VPS37B: variants seen among roughly 807,000 people sequenced by gnomAD.
VPS37B encodes vacuolar protein sorting-associated protein 37B.
In VPS37B, 11 loss-of-function variants were observed where a neutral mutation model predicts 21.2. The observed-to-expected ratio is 0.52, with a 90% CI of 0.33 to 0.86. The LOEUF (loss-of-function observed/expected upper bound fraction) is 0.86. VPS37B is among the 40% of genes least tolerant of loss of function. VPS37B has a pLI of 0.03. For synonymous variants in VPS37B, 175 were observed against 159.6 expected (o/e 1.10, Z -0.73); for missense variants, 389 against 374.8 (o/e 1.04, Z -0.31).
intron 1 of VPS37B, among the ~76,000 whole-genome samples, chr12:122,891,934 A>G (rs2034417793): frequency 6.6e-6 from 1 of 152,228 alleles, no homozygotes; most frequent in South Asian, 2.1e-4. Flanking sequence ...CCATGGGAAC[A>G]AAGATCCCCA....
chr12:122,885,663 A>G (rs1218747437), intron 1 of VPS37B: 14 of 146,342 alleles, frequency 9.6e-5, no homozygotes, highest in African/African-American at 3.5e-4. Flanking sequence ...ATAAACATGT[A>G]AAACATTATT....
chr12:122,867,153 CG>C lies in VPS37B; in HGVS notation c.820del (p.Arg274GlyfsTer63). On this transcript the variant is annotated frameshift_variant, in exon 4 of 4. Coordinates refer to ENST00000267202, the MANE Select transcript of VPS37B (RefSeq NM_024667.3). LOFTEE classifies it high-confidence loss of function. The surrounding 1 kb of genome is among the most constrained non-coding windows in gnomAD (Gnocchi z 5.5). ...GAAACCCGGCTGGTGTGGAGGGAGC[CG>C]GGGCGGGGGTCTCTGAGGGAGAGGT... ...PPPLPQRPPPRLPPHQPGFIL... is the reference protein window; with the variant it reads ...PPPLPQRPPPXLPPHQPGFIL... 1 of 1,545,248 alleles carries C rather than the reference CG, an allele frequency of 6.5e-7. No homozygotes were observed. The highest frequency in any genetic ancestry group is 8.7e-7 in the Non-Finnish European group (1 of 1,153,112).
chr12:122,894,141 T>G (rs1411376024), intron 1 of VPS37B, among the ~76,000 whole-genome samples: 2 of 152,184 alleles, frequency 1.3e-5, no homozygotes, highest in African/African-American at 4.8e-5. Context: ...AAAACCCTGC[T>G]GACAATCAAC....
intron 1 of VPS37B, chr12:122,883,990 T>C (rs2034287009): frequency 6.6e-6 from 1 of 152,248 alleles, no homozygotes; most frequent in African/African-American, 2.4e-5. Context: ...GAAGACAAGA[T>C]GGGACACCCA....
chr12:122,882,330 C>T (rs1055450422), intron 1 of VPS37B: 2 of 152,120 alleles, frequency 1.3e-5, no homozygotes, highest in Non-Finnish European at 2.9e-5. Flanking sequence ...TTCTGGGACA[C>T]CACTGCTGCC....
At chr12:122,871,433 G>A (rs1222707564) in intron 1 of VPS37B, 1 of 997,110 alleles carries the variant, frequency 1.0e-6, no homozygotes, top group Non-Finnish European at 1.2e-6. Flanking sequence ...TTCAAAACAA[G>A]TTTCTGCTGC....
intron 1 of VPS37B, chr12:122,884,316 C>T (rs1043765398): frequency 2.0e-5 from 3 of 152,142 alleles, no homozygotes; most frequent in African/African-American, 4.8e-5. Context: ...GGGCAGAGTC[C>T]GAGTCCTTTG....
intron 1 of VPS37B, chr12:122,872,003 T>C: frequency 1.0e-6 from 1 of 985,420 alleles, no homozygotes; most frequent in Non-Finnish European, 1.2e-6. Flanking sequence ...GTGTCCCTGT[T>C]TCTCTTTAAG....
intron 2 of VPS37B, chr12:122,870,647 G>A: frequency 2.7e-6 from 1 of 373,008 alleles, no homozygotes; most frequent in Non-Finnish European, 4.9e-6. Context: ...GAGACAGGAG[G>A]ATCACCTGAG....
At chr12:122,892,843 C>T (rs1484938411) in intron 1 of VPS37B, among the ~76,000 whole-genome samples, 1 of 152,162 alleles carries the variant, frequency 6.6e-6, no homozygotes, top group African/African-American at 2.4e-5. Flanking sequence ...GGCAGATCAC[C>T]TGAGGTTAGG....
chr12:122,868,925 GACACAGA>G lies in VPS37B; in HGVS notation c.284-370_284-364del, dbSNP rs1332568023. On this transcript the variant is annotated intron_variant, in intron 2 of 3. Transcript: ENST00000267202. This position sits in a 1 kb window ranked among gnomAD's most constrained non-coding sequence, Gnocchi z 5.5. The stretch of plus-strand genomic sequence containing the variant: ...CGCCAACCACCACCCCCCAGATCCA[GACACAGA>G]ACCTTTCCACCGGGCGCCCTCACGC... 6.6e-6 allele frequency among the ~76,000 whole-genome samples: 1 copy of G among 152,066 alleles called. No homozygotes were observed. Among genetic ancestry groups the G allele is most frequent in the Non-Finnish European group, 1.5e-5 (1 of 68,012 alleles).
intron 1 of VPS37B, chr12:122,878,725 C>T (rs2034199592): frequency 1.3e-5 from 2 of 149,640 alleles, no homozygotes; most frequent in Admixed American, 1.3e-4. Flanking sequence ...CAACCTCCGC[C>T]TCCCAGGTTC....
At chr12:122,888,207 G>A in intron 1 of VPS37B, 1 of 176,104 alleles carries the variant, frequency 5.7e-6, no homozygotes, top group Non-Finnish European at 1.2e-5. Flanking sequence ...AATGGACTAC[G>A]TTCCTCACAA....
rs1313427330 is a variant in VPS37B, at chr12:122,871,002, T to G, written c.171A>C (p.Glu57Asp). 3 of 1,614,224 alleles carry G rather than the reference T, an allele frequency of 1.9e-6. No homozygotes were observed. Among genetic ancestry groups the G allele is most frequent in the African/African-American group, 1.3e-5 (1 of 75,062 alleles). The change falls in exon 2 of 4, where the codon GAA (glutamate) becomes GAC (aspartate). Residue 57 changes from glutamate (E) to aspartate (D), a missense_variant. By Grantham distance (45) the Glu-to-Asp change is conservative. Transcript: ENST00000267202. ...MTLASNRSLA[E>D]GNLLYQPQLD... ...GCTGGGGCTGGTACAAAAGGTTTCC[T>G]TCTGCCAGGCTCCGGTTGCTGGCAA...
Position 122,867,031 on chromosome 12 carries a change from C to T in VPS37B, c.*85G>A, listed in dbSNP as rs942181165. ...GCCCAGGGCCCCAGAGCCCTTGGCACAGAGCGGACCTCCAGCCTCCTTCCC... is the reference window on the plus strand; with the variant it reads ...GCCCAGGGCCCCAGAGCCCTTGGCATAGAGCGGACCTCCAGCCTCCTTCCC... On this transcript the variant is annotated 3_prime_UTR_variant, in exon 4 of 4. Coordinates refer to ENST00000267202, the MANE Select transcript of VPS37B (RefSeq NM_024667.3). The surrounding 1 kb of genome is among the most constrained non-coding windows in gnomAD (Gnocchi z 5.5). 42 of 1,426,270 alleles carry T rather than the reference C, an allele frequency of 2.9e-5. No individual in the cohort carries two copies. Among genetic ancestry groups the T allele is most frequent in the Admixed American group, 2.8e-4 (9 of 32,230 alleles). The allele number at this position is 1,426,270 out of a possible 1,614,324, so 88.4% of individuals were successfully genotyped here. A position where few individuals can be genotyped will look rare whatever the true frequency, so the allele number is the denominator to read the frequency against.
chr12:122,888,499 A>G, intron 1 of VPS37B: 2 of 455,426 alleles, frequency 4.4e-6, no homozygotes, highest in Non-Finnish European at 8.8e-6. Context: ...ACGGTCTTCT[A>G]GATCACCTCC....
At chr12:122,885,682 T>A (rs1257930204) in intron 1 of VPS37B, 2 of 92,374 alleles carry the variant, frequency 2.2e-5, no homozygotes, top group Non-Finnish European at 3.9e-5. Flanking sequence ...TTATTATTAT[T>A]TTTTTTTTTT....
chr12:122,895,624 G>A (rs911801233), intron 1 of VPS37B, among the ~76,000 whole-genome samples: 1 of 151,840 alleles, frequency 6.6e-6, no homozygotes, highest in African/African-American at 2.4e-5. Context: ...TAAGTCTTCA[G>A]ACCCAGCCTT....
chr12:122,871,385 A>G (rs1413285888), intron 1 of VPS37B: 1 of 1,060,754 alleles, frequency 9.4e-7, no homozygotes, highest in Non-Finnish European at 1.1e-6. Context: ...TTGTGCTTGC[A>G]GAAGTAAACA....
Sources: gnomAD v4.1 joint callset for allele counts (sites outside exome capture counted in the v4.1 genomes callset) on GRCh38, gnomAD v4.1.1 for gene constraint, Gnocchi (gnomAD v3.1) non-coding constraint, MANE v1.5 for transcripts, NCBI Gene and HGNC (gene_info 2026-07-23, HGNC 2026-07-21) for gene names.